The following CATSPER1 variants were observed in gnomAD, a reference collection of about 807,000 sequenced individuals.
CATSPER1 encodes the protein cation channel sperm associated 1.
Under a neutral mutation model 72.7 loss-of-function variants are expected in CATSPER1, and 57 were observed. The observed-to-expected ratio is 0.78, with a 90% CI of 0.63 to 0.98. The LOEUF (loss-of-function observed/expected upper bound fraction) is 0.98, where lower values mean the gene tolerates loss of function less well. CATSPER1 is among the 50% of genes least tolerant of loss of function. CATSPER1 has a pLI of 0.00. For missense variants in CATSPER1, 910 were observed against 1,033.9 expected (o/e 0.88, Z 1.64); for synonymous variants, 363 against 403.0 (o/e 0.90, Z 1.19).
At chr11:66,019,557 G>A (rs552008474) in intron 9 of CATSPER1, among the ~76,000 whole-genome samples, 2 of 152,146 alleles carry the variant, frequency 1.3e-5, no homozygotes, top group African/African-American at 2.4e-5. Context: ...GATTACAGGT[G>A]TAAGCCACCA....
chr11:66,017,194 T>TGGGGGGGGGGGCA lies in CATSPER1; in HGVS notation c.2202-21_2202-20insTGCCCCCCCCCCC. ...TGCTGCCTGCGGGTGGGCGGGGGGG[T>TGGGGGGGGGGGCA]CGCAGAGACAGGGGCTGGGCTGACC... On this transcript the variant is annotated intron_variant, in intron 10 of 11. Coordinates refer to ENST00000312106, the MANE Select transcript of CATSPER1 (RefSeq NM_053054.4). 1.8e-6 allele frequency: 1 copy of TGGGGGGGGGGGCA among 550,278 alleles called. No homozygotes were observed. Among genetic ancestry groups the TGGGGGGGGGGGCA allele is most frequent in the Non-Finnish European group, 3.4e-6 (1 of 295,850 alleles). The allele number at this position is 550,278 out of a possible 1,614,324, so 34.1% of individuals were successfully genotyped here.
In CATSPER1 at chr11:66,025,984, G is replaced by T. The variant is rs17846029; in HGVS notation, c.396C>A (p.Tyr132Ter). 6.2e-7 allele frequency: 1 copy of T among 1,613,938 alleles called. No individual in the cohort carries two copies. Among genetic ancestry groups the T allele is most frequent in the Non-Finnish European group, 8.5e-7 (1 of 1,179,920 alleles). ...DGRRHHDGSQ[Y>*]GGFHQQSDSH... ...AGTCACTCTGCTGATGGAACCCACC[G>T]TATTGGGACCCATCATGATGCCTCC... The change falls in exon 1 of 12, where the codon TAC becomes TAA. Residue 132 changes from tyrosine (Y) to a stop codon, truncating the protein, a stop_gained. Transcript: ENST00000312106. LOFTEE classifies it high-confidence loss of function.
Position 66,018,695 on chromosome 11 carries a change from G to T in CATSPER1, c.2201+132C>A, listed in dbSNP as rs1432865418. ...CAGGGTCTCCTCGTTGCACCCACAGGCTCATCCACAAGCCTCAGCGCTCCA... is the reference window on the plus strand; with the variant it reads ...CAGGGTCTCCTCGTTGCACCCACAGTCTCATCCACAAGCCTCAGCGCTCCA... On this transcript the variant is annotated intron_variant, in intron 10 of 11. Transcript: ENST00000312106. The T allele has an allele frequency of 2.1e-5, 20 of 970,342 alleles. 1 individual carries two copies. The highest frequency in any genetic ancestry group is 2.0e-4 in the East Asian group (8 of 40,326). The allele number at this position is 970,342 out of a possible 1,614,324, so 60.1% of individuals were successfully genotyped here. A position where few individuals can be genotyped will look rare whatever the true frequency, so the allele number is the denominator to read the frequency against.
intron 1 of CATSPER1, among the ~76,000 whole-genome samples, chr11:66,023,506 C>T (rs770281589): frequency 4.0e-4 from 61 of 152,264 alleles, no homozygotes; most frequent in East Asian, 1.7e-3. Flanking sequence ...AGCAGCTGCG[C>T]GACTTCACTA....
intron 10 of CATSPER1, 130 bp from the exon 11 acceptor site, chr11:66,017,304 C>A: frequency 1.6e-6 from 1 of 643,048 alleles, no homozygotes; most frequent in East Asian, 2.7e-5. Flanking sequence ...TGACTGCAGA[C>A]CTGCATTTCC....
Position 66,026,445 on chromosome 11 carries a change from T to C in CATSPER1, c.-66A>G. 6.2e-7 allele frequency: 1 copy of C among 1,601,394 alleles called. No individual in the cohort carries two copies. Among genetic ancestry groups the C allele is most frequent in the Non-Finnish European group, 8.5e-7 (1 of 1,179,526 alleles). ...TGGGCCCAACAGGCCCCGCCTGGAT[T>C]TCCCTTCTTTCCTGAGCCAAGCTCA... is the stretch of plus-strand genomic sequence containing the variant. On this transcript the variant is annotated 5_prime_UTR_variant, in exon 1 of 12. Coordinates refer to ENST00000312106, the MANE Select transcript of CATSPER1 (RefSeq NM_053054.4).
At chr11:66,023,342 G>A (rs1400699547) in intron 1 of CATSPER1, among the ~76,000 whole-genome samples, 1 of 151,374 alleles carries the variant, frequency 6.6e-6, no homozygotes, top group Admixed American at 6.6e-5. Flanking sequence ...CCACCACGTA[G>A]ATGCAGAAGA....
At position 66,017,179 on chromosome 11, in the gene CATSPER1, G is replaced by C; in HGVS notation, c.2202-5C>G. 1 of 1,532,048 alleles carries C rather than the reference G, an allele frequency of 6.5e-7. No individual in the cohort carries two copies. Among genetic ancestry groups the C allele is most frequent in the Non-Finnish European group, 8.9e-7 (1 of 1,122,862 alleles). 94.9% of individuals were successfully genotyped at this position (1,532,048 alleles called of 1,614,324 possible). A position where few individuals can be genotyped will look rare whatever the true frequency, so the allele number is the denominator to read the frequency against. On this transcript the variant is annotated splice_polypyrimidine_tract_variant and splice_region_variant and intron_variant, in intron 10 of 11. Transcript: ENST00000312106. ...TGGAACAGGAGCTCCTGCTGCCTGCGGGTGGGCGGGGGGGTCGCAGAGACA... is the reference window on the plus strand; with the variant it reads ...TGGAACAGGAGCTCCTGCTGCCTGCCGGTGGGCGGGGGGGTCGCAGAGACA...
At chr11:66,017,719 A>G (rs533940714) in intron 10 of CATSPER1, among the ~76,000 whole-genome samples, 1 of 152,330 alleles carries the variant, frequency 6.6e-6, no homozygotes, top group African/African-American at 2.4e-5. Flanking sequence ...ACTGGAAACA[A>G]TGAACACAGC....
Position 66,020,374 on chromosome 11 carries a change from G to A in CATSPER1, c.2007C>T (p.Val669=). 1 of 1,614,082 alleles carries A rather than the reference G, an allele frequency of 6.2e-7. No individual in the cohort carries two copies. Among genetic ancestry groups the A allele is most frequent in the East Asian group, 2.2e-5 (1 of 44,886 alleles). ...YFIFLNLVIT[V]LVDSFQTALF... is the part of the protein sequence containing the mutation. ...GCGCCGTCTGGAAGCTATCCACCAG[G>A]ACAGTAATCACCAGGCTGGGGAGAG... Residue 669 remains valine (V), a synonymous_variant, in exon 8 of 12, where the codon GTC becomes GTT. Coordinates refer to ENST00000312106, the MANE Select transcript of CATSPER1 (RefSeq NM_053054.4). The surrounding 1 kb of genome is among the most constrained non-coding windows in gnomAD (Gnocchi z 4.5).
At chr11:66,023,095 G>A in intron 1 of CATSPER1, 34 bp from the exon 2 acceptor site, 1 of 1,589,658 alleles carries the variant, frequency 6.3e-7, no homozygotes, top group Non-Finnish European at 8.6e-7. Context: ...TCAAGTGTGT[G>A]CAAGAGGGGA....
chr11:66,024,380 C>T (rs1473648824), intron 1 of CATSPER1, among the ~76,000 whole-genome samples: 7 of 148,746 alleles, frequency 4.7e-5, no homozygotes, highest in Admixed American at 1.4e-4. Context: ...TGGGTTCAAG[C>T]GATTCTCCTG....
Position 66,025,333 on chromosome 11 carries a change from G to C in CATSPER1, c.1047C>G (p.Phe349Leu), listed in dbSNP as rs750535061. The C allele has an allele frequency of 6.2e-7, 1 of 1,614,198 alleles. No individual in the cohort carries two copies. The highest frequency in any genetic ancestry group is 8.5e-7 in the Non-Finnish European group (1 of 1,180,024). The stretch of plus-strand genomic sequence containing the variant: ...CCCGTGGGTGTGCTACGTGATAGGG[G>C]AAGACTCCTGTACGAGAAGCAGCAG... ...PGPAASRTGVFPYHVAHPRGS... is the reference protein window; with the variant it reads ...PGPAASRTGVLPYHVAHPRGS... The change falls in exon 1 of 12, where the codon TTC becomes TTG. Residue 349 changes from phenylalanine to leucine, a missense_variant. Transcript: ENST00000312106.
At position 66,023,300 on chromosome 11, in the gene CATSPER1, G is replaced by A. The variant is rs112071072; in HGVS notation, c.1217-239C>T. On this transcript the variant is annotated intron_variant, in intron 1 of 11. Coordinates refer to ENST00000312106, the MANE Select transcript of CATSPER1 (RefSeq NM_053054.4). ...AAACAGGGTTTCAACATGTTGGCCA[G>A]GCTGGTCTCGAACTCCTGGCCTCCA... Among the ~76,000 whole-genome samples the A allele has an allele frequency of 0.02, 3,085 of 152,302 alleles. 122 individuals are homozygous for A. The highest frequency in any genetic ancestry group is 0.071 in the African/African-American group (2,951 of 41,574).
At position 66,017,193 on chromosome 11, in the gene CATSPER1, G is replaced by GGGGGGGGGGGGGGGGCCCC; in HGVS notation, c.2202-20_2202-19insGGGGCCCCCCCCCCCCCCC. 3.8e-5 allele frequency: 19 copies of GGGGGGGGGGGGGGGGCCCC among 493,786 alleles called. No homozygotes were observed. The highest frequency in any genetic ancestry group is 7.1e-5 in the Non-Finnish European group (18 of 252,606). 30.6% of individuals were successfully genotyped at this position (493,786 alleles called of 1,614,324 possible). On this transcript the variant is annotated intron_variant, in intron 10 of 11. Transcript: ENST00000312106. ...CTGCTGCCTGCGGGTGGGCGGGGGG[G>GGGGGGGGGGGGGGGGCCCC]TCGCAGAGACAGGGGCTGGGCTGAC...
At position 66,025,344 on chromosome 11, in the gene CATSPER1, TACGAGA is replaced by T. The variant is rs1169892106; in HGVS notation, c.1030_1035del (p.Ser344_Arg345del). ...GCTACGTGATAGGGGAAGACTCCTG[TACGAGA>T]AGCAGCAGGGCCGGGGGCATCGTGA... is the stretch of plus-strand genomic sequence containing the variant. On this transcript the variant is annotated inframe_deletion, in exon 1 of 12. Transcript: ENST00000312106. 1 of 1,614,064 alleles carries T rather than the reference TACGAGA, an allele frequency of 6.2e-7. No homozygotes were observed. The highest frequency in any genetic ancestry group is 1.3e-5 in the African/African-American group (1 of 75,006).
intron 9 of CATSPER1, 84 bp from the exon 10 acceptor site, chr11:66,018,986 C>T: frequency 8.5e-7 from 1 of 1,177,814 alleles, no homozygotes; most frequent in Non-Finnish European, 1.3e-6. Context: ...AAGATAAGGG[C>T]TAATGGAGTT....
In CATSPER1 at chr11:66,025,949, T is replaced by C; in HGVS notation, c.431A>G (p.His144Arg). Residue 144 changes from histidine to arginine, a missense_variant, in exon 1 of 12, where the codon CAT becomes CGT. His to Arg is a conservative substitution (Grantham distance 29, BLOSUM62 0). Coordinates refer to ENST00000312106, the MANE Select transcript of CATSPER1 (RefSeq NM_053054.4). ...GFHQQSDSHYHRGSHHGRPQY... is the reference protein window; with the variant it reads ...GFHQQSDSHYRRGSHHGRPQY... ...GGGTCTGCCATGGTGAGACCCCCTA[T>C]GGTAATGGGAGTCACTCTGCTGATG... 1 of 1,613,054 alleles carries C rather than the reference T, an allele frequency of 6.2e-7. No individual in the cohort carries two copies. Among genetic ancestry groups the C allele is most frequent in the Non-Finnish European group, 8.5e-7 (1 of 1,179,768 alleles).
intron 9 of CATSPER1, among the ~76,000 whole-genome samples, chr11:66,019,428 C>G (rs1358599720): frequency 6.6e-6 from 1 of 152,080 alleles, no homozygotes; most frequent in Non-Finnish European, 1.5e-5. Context: ...TGGTGCCCAC[C>G]ACCATGCCCA....
Sources: gnomAD v4.1 joint callset for allele counts (sites outside exome capture counted in the v4.1 genomes callset) on GRCh38, gnomAD v4.1.1 for gene constraint, Gnocchi (gnomAD v3.1) non-coding constraint, MANE v1.5 for transcripts, NCBI Gene and HGNC (gene_info 2026-07-23, HGNC 2026-07-21) for gene names.